Variants in CCDC91 observed in about 807,000 individuals in gnomAD.
CCDC91 encodes coiled-coil domain containing 91.
CCDC91 carries 48 observed loss-of-function variants against 63.2 expected under a neutral mutation model. That is an observed-to-expected ratio of 0.76 (90% CI 0.60 to 0.97). The LOEUF (loss-of-function observed/expected upper bound fraction) is 0.97. Among genes scored for constraint, CCDC91 ranks in the 50% least tolerant of loss-of-function variants. The pLI is 0.00. For missense variants in CCDC91, 500 were observed against 494.6 expected (o/e 1.01, Z -0.10); for synonymous variants, 167 against 165.8 (o/e 1.01, Z -0.06).
chr12:28,541,308 C>T (rs1942614317), intron 12 of CCDC91, among the ~76,000 whole-genome samples: 1 of 108,128 alleles, frequency 9.2e-6, no homozygotes, highest in African/African-American at 3.9e-5. Context: ...AGTAAGTTTC[C>T]ATATGTGTGT....
intron 1 of CCDC91, among the ~76,000 whole-genome samples, chr12:28,245,159 C>T (rs1326199639): frequency 6.6e-6 from 1 of 152,004 alleles, no homozygotes; most frequent in African/African-American, 2.4e-5. Flanking sequence ...CATAAAGATT[C>T]CTTTTCTGCT....
intron 1 of CCDC91, among the ~76,000 whole-genome samples, chr12:28,245,872 CAT>C (rs2136019387): frequency 6.6e-6 from 1 of 152,170 alleles, no homozygotes; most frequent in East Asian, 1.9e-4. Flanking sequence ...TGAAACTAAA[CAT>C]AGACAAATGT....
intron 12 of CCDC91, among the ~76,000 whole-genome samples, chr12:28,501,210 T>C (rs1358496404): frequency 2.0e-5 from 3 of 151,798 alleles, no homozygotes; most frequent in Non-Finnish European, 4.4e-5. Context: ...CCTTCTCCTG[T>C]CTAATTGCCC....
At chr12:28,336,805 A>G (rs1473026867) in intron 6 of CCDC91, among the ~76,000 whole-genome samples, 1 of 152,156 alleles carries the variant, frequency 6.6e-6, no homozygotes, top group Non-Finnish European at 1.5e-5. Flanking sequence ...TCCTGAAAGT[A>G]GAGAGGAAAA....
intron 1 of CCDC91, among the ~76,000 whole-genome samples, chr12:28,228,144 C>T (rs2019011): frequency 0.38 from 57,114 of 151,798 alleles, 11,183 homozygotes; most frequent in Middle Eastern, 0.49. Flanking sequence ...TATCATTCAA[C>T]AATTCCGCAT....
chr12:28,524,538 C>T (rs1227836766), intron 12 of CCDC91, among the ~76,000 whole-genome samples: 1 of 152,110 alleles, frequency 6.6e-6, no homozygotes, highest in Non-Finnish European at 1.5e-5. Flanking sequence ...ATCTGTTCAA[C>T]AGGGATATTG....
At chr12:28,260,262 AG>A (rs1423960591) in intron 3 of CCDC91, among the ~76,000 whole-genome samples, 1 of 152,000 alleles carries the variant, frequency 6.6e-6, no homozygotes, top group Non-Finnish European at 1.5e-5. Context: ...ACCTGATCTG[AG>A]TCAAGTAGTA....
intron 11 of CCDC91, among the ~76,000 whole-genome samples, chr12:28,463,599 C>T (rs1355474): frequency 0.21 from 31,752 of 152,098 alleles, 4,345 homozygotes; most frequent in Non-Finnish European, 0.31. Flanking sequence ...CAGATAAACA[C>T]TTTAAGGGGA....
At chr12:28,475,030 CT>C (rs1266400965) in intron 11 of CCDC91, among the ~76,000 whole-genome samples, 1 of 152,018 alleles carries the variant, frequency 6.6e-6, no homozygotes, top group Non-Finnish European at 1.5e-5. Context: ...TAATATTCTA[CT>C]TCTTAAACTG....
chr12:28,305,176 A>G (rs1339426876), intron 3 of CCDC91, among the ~76,000 whole-genome samples: 1 of 152,110 alleles, frequency 6.6e-6, no homozygotes, highest in Non-Finnish European at 1.5e-5. Flanking sequence ...CTACCGAGTC[A>G]TAAAGCCATT....
chr12:28,223,093 AG>A (rs997015369), intron 1 of CCDC91, among the ~76,000 whole-genome samples: 3 of 152,120 alleles, frequency 2.0e-5, no homozygotes, highest in Admixed American at 6.6e-5. Context: ...ACCAAAGTAG[AG>A]GGGGAAAAAA....
chr12:28,429,277 T>A (rs1948501262), intron 8 of CCDC91, among the ~76,000 whole-genome samples: 1 of 152,224 alleles, frequency 6.6e-6, no homozygotes, highest in South Asian at 2.1e-4. Flanking sequence ...CTTGTTTTTA[T>A]CACAGTCAAG....
intron 1 of CCDC91, chr12:28,236,426 T>G (rs1399019592): frequency 6.6e-6 from 1 of 152,116 alleles, no homozygotes; most frequent in Admixed American, 6.5e-5. Context: ...TTTTTCTGTT[T>G]AATTTTTTGG....
chr12:28,456,344 A>G (rs916903583), intron 11 of CCDC91, among the ~76,000 whole-genome samples: 2 of 152,082 alleles, frequency 1.3e-5, no homozygotes, highest in African/African-American at 4.8e-5. Context: ...GGGGTTATAT[A>G]TTTAGCTGAT....
intron 1 of CCDC91, among the ~76,000 whole-genome samples, chr12:28,234,572 T>G (rs1451352476): frequency 6.6e-6 from 1 of 152,172 alleles, no homozygotes; most frequent in Non-Finnish European, 1.5e-5. Context: ...TGTTTCTTGA[T>G]AGTATACAGT....
chr12:28,412,307 T>G (rs1449823612), intron 8 of CCDC91, among the ~76,000 whole-genome samples: 1 of 152,166 alleles, frequency 6.6e-6, no homozygotes, highest in Non-Finnish European at 1.5e-5. Flanking sequence ...AATATTATTA[T>G]TGTTACTTAT....
intron 12 of CCDC91, among the ~76,000 whole-genome samples, chr12:28,524,555 A>T (rs1364269624): frequency 1.3e-5 from 2 of 152,022 alleles, no homozygotes; most frequent in African/African-American, 4.8e-5. Flanking sequence ...ATTGGTCGGT[A>T]GTTTTCTTTT....
intron 12 of CCDC91, among the ~76,000 whole-genome samples, chr12:28,493,053 A>G (rs1292668945): frequency 2.0e-5 from 3 of 151,706 alleles, no homozygotes; most frequent in Non-Finnish European, 4.4e-5. Context: ...TAGAAAAAAT[A>G]TATAAAAGAA....
chr12:28,434,154 T>G (rs1948773724), intron 8 of CCDC91, among the ~76,000 whole-genome samples: 1 of 151,788 alleles, frequency 6.6e-6, no homozygotes, highest in Non-Finnish European at 1.5e-5. Flanking sequence ...ATGGTTTTAT[T>G]TCTTTCTTCC....
Sources: allele counts gnomAD v4.1 joint callset (sites outside exome capture counted in the v4.1 genomes callset), GRCh38; gene constraint gnomAD v4.1.1; transcripts MANE v1.5; gene names NCBI Gene and HGNC (gene_info 2026-07-23, HGNC 2026-07-21).